Variants in EXOC4 observed in about 807,000 individuals in gnomAD.
EXOC4 encodes the protein SEC8-like 1.
EXOC4 carries 71 observed loss-of-function variants against 107.2 expected under a neutral mutation model. That is an observed-to-expected ratio of 0.66 (90% CI 0.55 to 0.81). EXOC4 has a LOEUF of 0.81. Among genes scored for constraint, EXOC4 ranks in the 30% least tolerant of loss-of-function variants. The probability of loss-of-function intolerance (pLI) is 0.00; values close to 1 mark genes in which losing one functional copy is unlikely to be tolerated. For synonymous variants in EXOC4, 456 were observed against 441.2 expected (o/e 1.03, Z -0.42); for missense variants, 1,108 against 1,189.6 (o/e 0.93, Z 1.01).
At chr7:133,695,238 C>T (rs998642272) in intron 10 of EXOC4, among the ~76,000 whole-genome samples, 3 of 151,980 alleles carry the variant, frequency 2.0e-5, no homozygotes, top group African/African-American at 4.8e-5. Context: ...TCTTTCTGTG[C>T]CTGGGTTTTT....
downstream of EXOC4, among the ~76,000 whole-genome samples, chr7:134,071,440 G>A (rs1354227897): frequency 6.6e-6 from 1 of 152,208 alleles, no homozygotes; most frequent in Non-Finnish European, 1.5e-5. Flanking sequence ...ATCTTCAAAG[G>A]TATGAATCTC....
intron 14 of EXOC4, among the ~76,000 whole-genome samples, chr7:133,957,894 C>A (rs929505646): frequency 6.6e-6 from 1 of 152,224 alleles, no homozygotes; most frequent in Non-Finnish European, 1.5e-5. Flanking sequence ...TATTACTTAA[C>A]CCAGCCACTA....
chr7:133,264,943 T>C (rs1234473246), intron 1 of EXOC4, among the ~76,000 whole-genome samples: 1 of 152,210 alleles, frequency 6.6e-6, no homozygotes, highest in African/African-American at 2.4e-5. Context: ...ATTTCTCAGA[T>C]TGGCCCTTTA....
chr7:133,642,548 A>G (rs912010209), intron 10 of EXOC4, among the ~76,000 whole-genome samples: 4 of 152,182 alleles, frequency 2.6e-5, no homozygotes, highest in Non-Finnish European at 4.4e-5. Flanking sequence ...CTTTATAAAT[A>G]TGTCTCAAAT....
intron 10 of EXOC4, among the ~76,000 whole-genome samples, chr7:133,787,963 TTATATATATATATATATATATATATA>T (rs1163259405): frequency 5.1e-4 from 21 of 40,980 alleles, no homozygotes; most frequent in Non-Finnish European, 5.9e-4. Context: ...ATTTATATAT[TTATATATATATATATATATATATATA>T]TATATATATA....
At chr7:133,878,191 A>T (rs1798890190) in intron 11 of EXOC4, among the ~76,000 whole-genome samples, 1 of 152,202 alleles carries the variant, frequency 6.6e-6, no homozygotes, top group South Asian at 2.1e-4. Flanking sequence ...ATATCTCCAT[A>T]TTTCTAATAT....
chr7:133,830,819 G>C (rs562196636), intron 11 of EXOC4, among the ~76,000 whole-genome samples: 1 of 152,076 alleles, frequency 6.6e-6, no homozygotes, highest in Non-Finnish European at 1.5e-5. Flanking sequence ...CTTATTTTGC[G>C]TATATGTGTG....
At chr7:133,537,147 A>G (rs1037772065) in intron 9 of EXOC4, among the ~76,000 whole-genome samples, 14 of 138,414 alleles carry the variant, frequency 1.0e-4, no homozygotes, top group Non-Finnish European at 3.2e-5. Flanking sequence ...CTGTTTATAT[A>G]TCTTGATTTT....
downstream of EXOC4, among the ~76,000 whole-genome samples, chr7:134,067,326 G>C (rs1796195893): frequency 6.6e-6 from 1 of 152,020 alleles, no homozygotes; most frequent in South Asian, 2.1e-4. Flanking sequence ...GGAGTAGGAG[G>C]GGTCCTGAGA....
intron 10 of EXOC4, among the ~76,000 whole-genome samples, chr7:133,801,720 A>G (rs917107767): frequency 1.1e-4 from 16 of 152,256 alleles, no homozygotes; most frequent in Non-Finnish European, 4.4e-5. Context: ...AAAGATGCTC[A>G]GCCTACTATC....
intron 1 of EXOC4, among the ~76,000 whole-genome samples, chr7:133,258,051 A>G (rs1441534717): frequency 6.6e-6 from 1 of 152,120 alleles, no homozygotes; most frequent in Non-Finnish European, 1.5e-5. Context: ...TCTTCTTTTC[A>G]TTTGAGCCCA....
intron 17 of EXOC4, among the ~76,000 whole-genome samples, chr7:134,017,029 C>A (rs1234616522): frequency 6.6e-6 from 1 of 152,184 alleles, no homozygotes; most frequent in Admixed American, 6.5e-5. Flanking sequence ...AAAAATTTAT[C>A]TGACTGCTTT....
At chr7:133,559,410 A>G (rs552881021) in intron 9 of EXOC4, among the ~76,000 whole-genome samples, 10 of 152,240 alleles carry the variant, frequency 6.6e-5, no homozygotes, top group African/African-American at 2.2e-4. Context: ...CCTTTAATCT[A>G]TATAGAATTT....
Position 134,058,773 on chromosome 7 carries a change from A to G in EXOC4, c.2688-5518A>G, listed in dbSNP as rs1317609258. ...TTTTCAGTTAGTTCTTTTGCTTTTT[A>G]TAGTTTCAAATATTTTTGTATTAAG... On this transcript the variant is annotated intron_variant, in intron 17 of 17. Coordinates refer to ENST00000253861, the MANE Select transcript of EXOC4 (RefSeq NM_021807.4). 2.0e-5 allele frequency among the ~76,000 whole-genome samples: 3 copies of G among 152,292 alleles called. 1 individual carries two copies. In the South Asian group the frequency reaches 6.2e-4, roughly 32 times the overall value.
intron 9 of EXOC4, among the ~76,000 whole-genome samples, chr7:133,534,956 A>G (rs1032248086): frequency 6.6e-6 from 1 of 152,156 alleles, no homozygotes; most frequent in Non-Finnish European, 1.5e-5. Flanking sequence ...TAGATGTGTC[A>G]ACAGATTTGA....
intron 17 of EXOC4, among the ~76,000 whole-genome samples, chr7:134,029,016 A>T (rs1339594522): frequency 6.6e-6 from 1 of 152,202 alleles, no homozygotes; most frequent in Admixed American, 6.5e-5. Context: ...GGAACCAGCC[A>T]TTGTGATGAT....
intron 5 of EXOC4, among the ~76,000 whole-genome samples, chr7:133,352,792 C>T (rs1795940424): frequency 6.6e-6 from 1 of 151,772 alleles, no homozygotes; most frequent in Non-Finnish European, 1.5e-5. Flanking sequence ...TTTCTCATTT[C>T]CCGATGGTAT....
intron 11 of EXOC4, among the ~76,000 whole-genome samples, chr7:133,855,009 C>G (rs1798318002): frequency 7.2e-6 from 1 of 138,606 alleles, no homozygotes; most frequent in Non-Finnish European, 1.5e-5. Flanking sequence ...AATGGCTTCT[C>G]TATTCCTAAG....
intron 1 of EXOC4, among the ~76,000 whole-genome samples, chr7:133,273,361 C>A (rs928560943): frequency 1.3e-5 from 2 of 152,114 alleles, no homozygotes; most frequent in African/African-American, 2.4e-5. Context: ...CTGCAAGAAA[C>A]CTTGGAAGTA....
Sources: allele counts gnomAD v4.1 joint callset (sites outside exome capture counted in the v4.1 genomes callset), GRCh38; gene constraint gnomAD v4.1.1; transcripts MANE v1.5; gene names NCBI Gene and HGNC (gene_info 2026-07-23, HGNC 2026-07-21).